The following MTHFD1L variants were observed in gnomAD, a reference collection of about 807,000 sequenced individuals.
The protein encoded by MTHFD1L is monofunctional C1-tetrahydrofolate synthase, mitochondrial.
A neutral mutation model predicts 119.5 loss-of-function variants in MTHFD1L; 81 were observed. The ratio of observed to expected loss-of-function variants is 0.68; its 90% CI spans 0.57 to 0.82. The LOEUF (loss-of-function observed/expected upper bound fraction) is 0.82. Ranked by LOEUF, MTHFD1L falls within the 40% of genes least tolerant of loss-of-function variation. MTHFD1L has a pLI of 0.00. For missense variants in MTHFD1L, 1,125 were observed against 1,253.4 expected (o/e 0.90, Z 1.55); for synonymous variants, 430 against 475.2 (o/e 0.90, Z 1.24).
intron 26 of MTHFD1L, among the ~76,000 whole-genome samples, chr6:151,059,966 A>G (rs895632422): frequency 2.0e-5 from 3 of 152,134 alleles, no homozygotes; most frequent in African/African-American, 7.2e-5. Context: ...GAGCAAGGAT[A>G]TTGGGATTTA....
Position 150,865,721 on chromosome 6 carries a change from C to CCTG in MTHFD1L, c.-101_-100insTGC. On this transcript the variant is annotated 5_prime_UTR_variant, in exon 1 of 28. Transcript: ENST00000367321. ...GACGAGGAGGAAGCGCCAGGTCCTT[C>CCTG]CCGCCGCCGCCGCCGCCGCCGCCGC... The CCTG allele has an allele frequency of 1.0e-6, 1 of 967,252 alleles. No homozygotes were observed. 59.9% of individuals were successfully genotyped at this position (967,252 alleles called of 1,614,324 possible).
intron 16 of MTHFD1L, among the ~76,000 whole-genome samples, chr6:150,950,650 G>A (rs965518905): frequency 1.2e-4 from 19 of 152,158 alleles, no homozygotes; most frequent in African/African-American, 4.1e-4. Flanking sequence ...GGTGATAGCT[G>A]TATTGAGTAG....
chr6:151,013,929 C>T (rs1249347537), intron 22 of MTHFD1L, 109 bp downstream of exon 22: 36 of 962,326 alleles, frequency 3.7e-5, no homozygotes, highest in Non-Finnish European at 5.6e-5. Context: ...AAGTGCTGTT[C>T]TGTCCGGGCG....
intron 14 of MTHFD1L, among the ~76,000 whole-genome samples, chr6:150,945,063 GC>G (rs1793709377): frequency 6.6e-6 from 1 of 152,216 alleles, no homozygotes; most frequent in Non-Finnish European, 1.5e-5. Flanking sequence ...AAAGGGGACA[GC>G]CCACCAGAAG....
intron 1 of MTHFD1L, among the ~76,000 whole-genome samples, chr6:150,875,367 G>A (rs1333837906): frequency 6.6e-6 from 1 of 151,982 alleles, no homozygotes; most frequent in African/African-American, 2.4e-5. Flanking sequence ...CTTTTACCTA[G>A]GCCTGCTCAC....
In MTHFD1L at chr6:150,953,978, G is replaced by A. The variant is rs539898308; in HGVS notation, c.1727-2017G>A. Among the ~76,000 whole-genome samples, 10 of 152,212 alleles carry A rather than the reference G, an allele frequency of 6.6e-5. 1 individual carries two copies. The South Asian group carries it at 2.1e-3, about 32-fold the overall frequency. On this transcript the variant is annotated intron_variant, in intron 16 of 27. Coordinates refer to ENST00000367321, the MANE Select transcript of MTHFD1L (RefSeq NM_015440.5). ...TTATAGCTGAAAAACTCATAAAGAAGGTTTCTGTGTGTTTATATGAGTGTC... is the reference window on the plus strand; with the variant it reads ...TTATAGCTGAAAAACTCATAAAGAAAGTTTCTGTGTGTTTATATGAGTGTC...
chr6:150,869,425 G>A (rs920241071), intron 1 of MTHFD1L, among the ~76,000 whole-genome samples: 3 of 152,152 alleles, frequency 2.0e-5, no homozygotes, highest in Non-Finnish European at 2.9e-5. Context: ...AGAACATGGG[G>A]TGTTTGGTTT....
intron 26 of MTHFD1L, among the ~76,000 whole-genome samples, chr6:151,072,053 G>A (rs1792001451): frequency 6.6e-6 from 1 of 151,960 alleles, no homozygotes; most frequent in East Asian, 1.9e-4. Context: ...ATGTTGGCCA[G>A]GCTAGTCTCG....
chr6:150,890,651 G>C (rs1303440266), intron 7 of MTHFD1L, among the ~76,000 whole-genome samples: 1 of 152,144 alleles, frequency 6.6e-6, no homozygotes, highest in Non-Finnish European at 1.5e-5. Flanking sequence ...TTGCCTCCTC[G>C]GAAGAAAGAA....
At chr6:151,002,874 G>A (rs905784448) in intron 20 of MTHFD1L, among the ~76,000 whole-genome samples, 1 of 152,186 alleles carries the variant, frequency 6.6e-6, no homozygotes, top group Non-Finnish European at 1.5e-5. Flanking sequence ...TGGAGACCTT[G>A]GGTGGATTAT....
rs539006587 is a variant in MTHFD1L, at chr6:150,910,130, G to A, written c.892+4369G>A. On this transcript the variant is annotated intron_variant, in intron 8 of 27. Coordinates refer to ENST00000367321, the MANE Select transcript of MTHFD1L (RefSeq NM_015440.5). ...CAAGAGGCAGAGGTTGCAGTGAGCC[G>A]AGATCACGCCATTGCACTCCAGCCT... Among the ~76,000 whole-genome samples, 7 of 151,968 alleles carry A rather than the reference G, an allele frequency of 4.6e-5. No individual in the cohort carries two copies. In the South Asian group the frequency reaches 6.3e-4, roughly 14 times the overall value.
intron 15 of MTHFD1L, 110 bp downstream of exon 15, chr6:150,945,651 C>T (rs1583710158): frequency 9.9e-7 from 1 of 1,015,040 alleles, no homozygotes; most frequent in Non-Finnish European, 1.5e-6. Flanking sequence ...TTTCAGATAT[C>T]CTTTTGGGTA....
intron 24 of MTHFD1L, among the ~76,000 whole-genome samples, chr6:151,025,937 G>A (rs1209307318): frequency 2.6e-5 from 4 of 152,152 alleles, no homozygotes; most frequent in African/African-American, 2.4e-5. Flanking sequence ...AAGATGAGAC[G>A]CCCCTACTAC....
At chr6:150,895,730 G>A (rs1784108627) in intron 7 of MTHFD1L, among the ~76,000 whole-genome samples, 1 of 148,992 alleles carries the variant, frequency 6.7e-6, no homozygotes, top group African/African-American at 2.5e-5. Flanking sequence ...AATTCTAAAT[G>A]TACTTGTATT....
At chr6:150,918,126 C>T (rs897037510) in intron 8 of MTHFD1L, among the ~76,000 whole-genome samples, 7 of 139,098 alleles carry the variant, frequency 5.0e-5, no homozygotes, top group African/African-American at 1.7e-4. Flanking sequence ...AGTGCAGTGG[C>T]GTGATCTTGG....
intron 13 of MTHFD1L, among the ~76,000 whole-genome samples, chr6:150,942,207 C>T (rs1044381317): frequency 2.0e-5 from 3 of 151,970 alleles, no homozygotes; most frequent in Non-Finnish European, 4.4e-5. Context: ...TGCAGTGAGC[C>T]GAGATCATGC....
Position 150,926,281 on chromosome 6 carries a change from C to A in MTHFD1L, c.1242C>A (p.Tyr414Ter). The change falls in exon 11 of 28, where the codon TAC (tyrosine) becomes TAA (stop). Residue 414 changes from tyrosine to a stop codon, truncating the protein, a stop_gained. Transcript: ENST00000367321. LOFTEE classifies it high-confidence loss of function. This position sits in a 1 kb window ranked among gnomAD's most constrained non-coding sequence, Gnocchi z 4.3. ...ERLKDQADGK[Y>*]VLVAGITPTP... ...TAAAGGATCAAGCAGATGGAAAATA[C>A]GTCTTAGTTGCTGGGTAAGACACCA... 1 of 1,611,028 alleles carries A rather than the reference C, an allele frequency of 6.2e-7. No individual in the cohort carries two copies. The highest frequency in any genetic ancestry group is 8.5e-7 in the Non-Finnish European group (1 of 1,177,708).
intron 7 of MTHFD1L, among the ~76,000 whole-genome samples, chr6:150,896,851 G>A (rs1342366413): frequency 6.6e-6 from 1 of 152,052 alleles, no homozygotes; most frequent in Admixed American, 6.6e-5. Context: ...GCTCACACCT[G>A]TAACCCCAGC....
chr6:150,885,674 G>T lies in MTHFD1L; in HGVS notation c.583G>T (p.Ala195Ser). The T allele has an allele frequency of 1.2e-6, 2 of 1,614,070 alleles. No homozygotes were observed. The highest frequency in any genetic ancestry group is 2.7e-5 in the African/African-American group (2 of 75,056). ...CCTGGGGAAGCTGGTGCGAGGGGATGCCCATGAATGTTTTGTTTCACCTGT... is the reference window on the plus strand; with the variant it reads ...CCTGGGGAAGCTGGTGCGAGGGGATTCCCATGAATGTTTTGTTTCACCTGT... ...INLGKLVRGD[A>S]HECFVSPVAK... Residue 195 changes from alanine (A) to serine (S), a missense_variant, in exon 6 of 28, where the codon GCC becomes TCC. Physicochemically the swap from Ala to Ser is moderately conservative, Grantham distance 99 (BLOSUM62 1). Coordinates refer to ENST00000367321, the MANE Select transcript of MTHFD1L (RefSeq NM_015440.5).
Sources: allele counts gnomAD v4.1 joint callset (sites outside exome capture counted in the v4.1 genomes callset), GRCh38; gene constraint gnomAD v4.1.1; non-coding constraint Gnocchi (gnomAD v3.1); transcripts MANE v1.5; gene names NCBI Gene and HGNC (gene_info 2026-07-23, HGNC 2026-07-21).